The following MCTP1 variants were observed in gnomAD, a reference collection of about 807,000 sequenced individuals.
MCTP1 encodes the protein multiple C2 and transmembrane domain containing 1, also known as multiple C2 and transmembrane domain-containing protein 1.
Under a neutral mutation model 120.6 loss-of-function variants are expected in MCTP1, and 69 were observed. The ratio of observed to expected loss-of-function variants is 0.57; its 90% CI spans 0.47 to 0.70. The LOEUF is 0.70. Among genes scored for constraint, MCTP1 ranks in the 30% least tolerant of loss-of-function variants. The pLI is 0.00. For missense variants in MCTP1, 1,203 were observed against 1,248.8 expected (o/e 0.96, Z 0.55); for synonymous variants, 529 against 493.1 (o/e 1.07, Z -0.96).
intron 3 of MCTP1, among the ~76,000 whole-genome samples, chr5:94,947,573 TATATAGAGAGAGAGAG>T (rs1414686812): frequency 4.3e-5 from 2 of 47,042 alleles, no homozygotes; most frequent in Non-Finnish European, 8.0e-5. Flanking sequence ...TATATATATA[TATATAGAGAGAGAGAG>T]AGAGAGAGAG....
Position 94,714,728 on chromosome 5 carries a change from G to T in MCTP1, c.2720+49C>A, listed in dbSNP as rs771460164. 6.4e-6 allele frequency: 7 copies of T among 1,098,282 alleles called. No homozygotes were observed. The South Asian group carries it at 8.8e-5, about 14-fold the overall frequency. 68.0% of individuals were successfully genotyped at this position (1,098,282 alleles called of 1,614,324 possible). A position where few individuals can be genotyped will look rare whatever the true frequency, so the allele number is the denominator to read the frequency against. ...CATTTCACCCTCCAAGAAACAAATGGACACCTTATCCCACAGAAGAATGGG... is the reference window on the plus strand; with the variant it reads ...CATTTCACCCTCCAAGAAACAAATGTACACCTTATCCCACAGAAGAATGGG... On this transcript the variant is annotated intron_variant, in intron 20 of 22. Transcript: ENST00000515393.
chr5:94,794,022 C>T (rs1779500232), intron 18 of MCTP1, among the ~76,000 whole-genome samples: 1 of 152,206 alleles, frequency 6.6e-6, no homozygotes, highest in African/African-American at 2.4e-5. Context: ...AAGGAGCTAA[C>T]TAAACACTTC....
chr5:95,257,931 GT>G (rs1758067263), intron 1 of MCTP1, among the ~76,000 whole-genome samples: 1 of 152,034 alleles, frequency 6.6e-6, no homozygotes, highest in Non-Finnish European at 1.5e-5. Context: ...GTAATATTGG[GT>G]TATAATCCAA....
At position 95,190,879 on chromosome 5, in the gene MCTP1, T is replaced by C. The variant is rs185431792; in HGVS notation, c.720+92977A>G. Among the ~76,000 whole-genome samples, 551 of 152,066 alleles carry C rather than the reference T, an allele frequency of 3.6e-3. 6 individuals carry two copies. The highest frequency in any genetic ancestry group is 0.012 in the African/African-American group (508 of 41,538). On this transcript the variant is annotated intron_variant, in intron 1 of 22. Coordinates refer to ENST00000515393, the MANE Select transcript of MCTP1 (RefSeq NM_024717.7). ...AACAACCCAAAATGAAACTATTCTA[T>C]AGAACTAAAATCTTAAATCTGCCAA...
intron 19 of MCTP1, among the ~76,000 whole-genome samples, chr5:94,726,425 C>G (rs1580336622): frequency 6.6e-6 from 1 of 152,160 alleles, no homozygotes; most frequent in Admixed American, 6.6e-5. Context: ...GCTGAATCAG[C>G]GCCAGAGTTA....
intron 10 of MCTP1, among the ~76,000 whole-genome samples, chr5:94,908,725 A>G (rs532719399): frequency 2.0e-5 from 3 of 152,098 alleles, no homozygotes; most frequent in African/African-American, 7.2e-5. Flanking sequence ...TAAGCCTCAG[A>G]ATACTCCTTT....
chr5:95,101,427 T>G (rs1353506157), intron 1 of MCTP1, among the ~76,000 whole-genome samples: 2 of 152,220 alleles, frequency 1.3e-5, no homozygotes, highest in African/African-American at 4.8e-5. Context: ...ACAGAGTATG[T>G]ACATAGAGCC....
Position 94,947,577 on chromosome 5 carries a change from T to TATATATATAGAGAGAGAG in MCTP1, c.982-5151_982-5150insCTCTCTCTCTATATATAT. ...CTAAATATATATATATATATATATA[T>TATATATATAGAGAGAGAG]AGAGAGAGAGAGAGAGAGAGAGAGA... On this transcript the variant is annotated intron_variant, in intron 3 of 22. Coordinates refer to ENST00000515393, the MANE Select transcript of MCTP1 (RefSeq NM_024717.7). Among the ~76,000 whole-genome samples the TATATATATAGAGAGAGAG allele has an allele frequency of 1.0e-3, 49 of 47,378 alleles. 1 individual carries two copies. Among genetic ancestry groups the TATATATATAGAGAGAGAG allele is most frequent in the Non-Finnish European group, 1.7e-3 (43 of 25,002 alleles). 31.1% of individuals were successfully genotyped at this position (47,378 alleles called of 152,430 possible).
chr5:94,757,876 G>T (rs1191651392), intron 19 of MCTP1, among the ~76,000 whole-genome samples: 1 of 152,190 alleles, frequency 6.6e-6, no homozygotes, highest in African/African-American at 2.4e-5. Flanking sequence ...TTAGAGTAAA[G>T]CAACAACAAC....
In MCTP1 at chr5:95,273,592, T is replaced by G. The variant is rs78057398; in HGVS notation, c.720+10264A>C. 7.2e-3 allele frequency among the ~76,000 whole-genome samples: 1,103 copies of G among 152,336 alleles called. 12 individuals carry two copies. The highest frequency in any genetic ancestry group is 0.03 in the South Asian group (146 of 4,822). On this transcript the variant is annotated intron_variant, in intron 1 of 22. Transcript: ENST00000515393. ...AACATGTTTTATTTACCCTTTCTTT[T>G]GCTCTATTAACACTCACTACTTTCA...
At chr5:94,724,708 G>A (rs1761736854) in intron 19 of MCTP1, among the ~76,000 whole-genome samples, 1 of 152,124 alleles carries the variant, frequency 6.6e-6, no homozygotes, top group Admixed American at 6.5e-5. Context: ...ATCTCTCAAA[G>A]TTACCCAGGG....
chr5:94,741,297 AATG>A (rs1209535492), intron 19 of MCTP1, among the ~76,000 whole-genome samples: 8 of 152,190 alleles, frequency 5.3e-5, no homozygotes, highest in Non-Finnish European at 7.3e-5. Context: ...AAAAAAAGGA[AATG>A]ATGATTGCTC....
chr5:95,112,632 G>A (rs1757546488), intron 1 of MCTP1, among the ~76,000 whole-genome samples: 1 of 152,118 alleles, frequency 6.6e-6, no homozygotes, highest in Non-Finnish European at 1.5e-5. Context: ...TCTAAGATAT[G>A]CAATTATTTC....
At chr5:95,271,897 C>T (rs529919169) in intron 1 of MCTP1, among the ~76,000 whole-genome samples, 3 of 151,946 alleles carry the variant, frequency 2.0e-5, no homozygotes, top group South Asian at 2.1e-4. Flanking sequence ...CCACAAATGC[C>T]GTCTTCCAAT....
chr5:94,714,084 C>T (rs1758130585), intron 20 of MCTP1, among the ~76,000 whole-genome samples: 1 of 151,704 alleles, frequency 6.6e-6, no homozygotes, highest in African/African-American at 2.4e-5. Flanking sequence ...GTAAATACAC[C>T]TTTTAAAAAA....
intron 1 of MCTP1, among the ~76,000 whole-genome samples, chr5:95,194,584 A>C (rs1238671756): frequency 6.6e-6 from 1 of 152,216 alleles, no homozygotes; most frequent in East Asian, 1.9e-4. Flanking sequence ...CCCCTATTTG[A>C]TGCAAGTATT....
chr5:94,981,069 T>G (rs1335953390), intron 2 of MCTP1, among the ~76,000 whole-genome samples: 3 of 152,156 alleles, frequency 2.0e-5, no homozygotes, highest in Non-Finnish European at 4.4e-5. Context: ...ACTTCAAAAC[T>G]TGCAATTATC....
chr5:95,090,330 T>A (rs1194273962), intron 1 of MCTP1, among the ~76,000 whole-genome samples: 2 of 152,216 alleles, frequency 1.3e-5, no homozygotes, highest in African/African-American at 4.8e-5. Flanking sequence ...TAAAAAAAAT[T>A]GGTGCTAATT....
At chr5:95,174,661 T>A (rs1448087706) in intron 1 of MCTP1, among the ~76,000 whole-genome samples, 2 of 152,288 alleles carry the variant, frequency 1.3e-5, no homozygotes, top group African/African-American at 4.8e-5. Context: ...GTAATTCACA[T>A]GTAAAATGGG....
Sources: allele counts gnomAD v4.1 joint callset (sites outside exome capture counted in the v4.1 genomes callset), GRCh38; gene constraint gnomAD v4.1.1; transcripts MANE v1.5; gene names NCBI Gene and HGNC (gene_info 2026-07-23, HGNC 2026-07-21).